NHLRC2: variants seen among roughly 807,000 people sequenced by gnomAD.
The protein encoded by NHLRC2 is NHL repeat-containing protein 2.
In NHLRC2, 33 loss-of-function variants were observed where a neutral mutation model predicts 68.1. The observed-to-expected ratio is 0.48, with a 90% CI of 0.37 to 0.65. The LOEUF is 0.65. Ranked by LOEUF, NHLRC2 falls within the 30% of genes least tolerant of loss-of-function variation. The probability of loss-of-function intolerance (pLI) is 0.00; values close to 1 mark genes in which losing one functional copy is unlikely to be tolerated. For synonymous variants in NHLRC2, 311 were observed against 309.6 expected (o/e 1.00, Z -0.05); for missense variants, 761 against 853.8 (o/e 0.89, Z 1.35).
intron 3 of NHLRC2, among the ~76,000 whole-genome samples, chr10:113,878,845 G>A (rs967073003): frequency 3.9e-5 from 6 of 152,002 alleles, no homozygotes; most frequent in African/African-American, 1.2e-4. Context: ...TTGTTTTCTA[G>A]CCACTCTGTT....
rs750702921 is a variant in NHLRC2, at chr10:113,903,754, A to AT, written c.1704+19dup. 1 of 1,363,200 alleles carries AT rather than the reference A, an allele frequency of 7.3e-7. No homozygotes were observed. The highest frequency in any genetic ancestry group is 1.2e-5 in the South Asian group (1 of 85,080). 84.4% of individuals were successfully genotyped at this position (1,363,200 alleles called of 1,614,324 possible). On this transcript the variant is annotated intron_variant, in intron 9 of 10. Coordinates refer to ENST00000369301, the MANE Select transcript of NHLRC2 (RefSeq NM_198514.4). Reference sequence around the variant, plus strand: ...TATCTGTGGTAAGTAATTTTAAAATATAAGTTAAAGAATGTGGTTTTAAGA... The same window carrying AT: ...TATCTGTGGTAAGTAATTTTAAAATATTAAGTTAAAGAATGTGGTTTTAAGA...
At position 113,871,576 on chromosome 10, in the gene NHLRC2, ATTTTATACTGTACTTCTGT is replaced by A. The variant is rs1468770863; in HGVS notation, c.332-4936_332-4918del. Among the ~76,000 whole-genome samples the A allele has an allele frequency of 1.1e-4, 17 of 152,260 alleles. No individual in the cohort carries two copies. The East Asian group carries it at 3.1e-3, about 28-fold the overall frequency. Reference sequence around the variant, plus strand: ...TTTTTATACTACTGGAAATACTTCTATTTTATACTGTACTTCTGTTTTTATACCAGTTTCTGGTTTTATA... The same window carrying A: ...TTTTTATACTACTGGAAATACTTCTATTTTATACCAGTTTCTGGTTTTATA... On this transcript the variant is annotated intron_variant, in intron 2 of 10. Transcript: ENST00000369301.
intron 5 of NHLRC2, among the ~76,000 whole-genome samples, chr10:113,893,008 A>C (rs1015163273): frequency 2.0e-5 from 3 of 152,242 alleles, no homozygotes; most frequent in African/African-American, 7.2e-5. Flanking sequence ...GAATTTTGTC[A>C]TAAAGTGTCA....
Position 113,854,969 on chromosome 10 carries a change from GAGA to G in NHLRC2, c.100_102del (p.Lys34del), listed in dbSNP as rs1280619093. The G allele has an allele frequency of 6.4e-7, 1 of 1,553,752 alleles. No individual in the cohort carries two copies. The highest frequency in any genetic ancestry group is 1.2e-5 in the South Asian group (1 of 84,172). On this transcript the variant is annotated inframe_deletion, in exon 1 of 11. Coordinates refer to ENST00000369301, the MANE Select transcript of NHLRC2 (RefSeq NM_198514.4). The stretch of plus-strand genomic sequence containing the variant: ...CCTGCTCGACGCCGTTACCCAGCAG[GAGA>G]AGGACAGCCTGGTCTACCAGTATCT...
intron 2 of NHLRC2, among the ~76,000 whole-genome samples, chr10:113,862,136 A>G (rs940128083): frequency 4.6e-5 from 7 of 152,212 alleles, no homozygotes; most frequent in Middle Eastern, 3.4e-3. Context: ...CAGCCTCTCA[A>G]ACTGCTGTAT....
At chr10:113,866,603 T>C (rs1192360450) in intron 2 of NHLRC2, among the ~76,000 whole-genome samples, 1 of 152,138 alleles carries the variant, frequency 6.6e-6, no homozygotes, top group African/African-American at 2.4e-5. Flanking sequence ...TATCATATAG[T>C]ATATGCTTTT....
chr10:113,902,192 G>T (rs567589264), intron 7 of NHLRC2, among the ~76,000 whole-genome samples: 1 of 152,262 alleles, frequency 6.6e-6, no homozygotes, highest in Non-Finnish European at 1.5e-5. Flanking sequence ...ATTGGGCAGT[G>T]GGGTGGAAAG....
chr10:113,856,951 A>G (rs773576521), intron 1 of NHLRC2, among the ~76,000 whole-genome samples: 2 of 152,112 alleles, frequency 1.3e-5, no homozygotes, highest in Non-Finnish European at 2.9e-5. Flanking sequence ...GATCCTTGTT[A>G]TTTCCATTTT....
intron 6 of NHLRC2, among the ~76,000 whole-genome samples, chr10:113,900,225 AC>A (rs1319878842): frequency 7.2e-5 from 11 of 152,192 alleles, no homozygotes; most frequent in Non-Finnish European, 1.5e-4. Context: ...CATTGGCAGC[AC>A]TCAGAGTGGA....
chr10:113,865,200 C>T (rs770973038), intron 2 of NHLRC2, among the ~76,000 whole-genome samples: 5 of 152,002 alleles, frequency 3.3e-5, no homozygotes, highest in Non-Finnish European at 5.9e-5. Context: ...ACGCCTGCCT[C>T]GGCCTCCCAA....
At chr10:113,886,047 A>T (rs1312003572) in intron 5 of NHLRC2, among the ~76,000 whole-genome samples, 1 of 152,100 alleles carries the variant, frequency 6.6e-6, no homozygotes. Flanking sequence ...AAAGTTGAAG[A>T]TTACAAAATC....
intron 6 of NHLRC2, among the ~76,000 whole-genome samples, chr10:113,898,501 T>C (rs1846198599): frequency 6.6e-6 from 1 of 152,222 alleles, no homozygotes. Context: ...AGTCACTCAC[T>C]GACTGTTAAA....
At chr10:113,879,746 T>A in intron 4 of NHLRC2, 51 bp downstream of exon 4, 1 of 1,165,212 alleles carries the variant, frequency 8.6e-7, no homozygotes, top group South Asian at 1.5e-5. Flanking sequence ...AAAAAGGAAA[T>A]GTATTTGCTA....
chr10:113,855,865 T>A (rs1213623234), intron 1 of NHLRC2, among the ~76,000 whole-genome samples: 1 of 152,182 alleles, frequency 6.6e-6, no homozygotes, highest in Non-Finnish European at 1.5e-5. Context: ...CCTTATTCAA[T>A]TACCTCTATA....
chr10:113,876,733 G>C lies in NHLRC2; in HGVS notation c.544G>C (p.Gly182Arg). 1 of 1,612,830 alleles carries C rather than the reference G, an allele frequency of 6.2e-7. No individual in the cohort carries two copies. The highest frequency in any genetic ancestry group is 2.2e-5 in the East Asian group (1 of 44,848). ...GNMLFSLIGE[G>R]HKDKLFLYTS... ...CATGTTGTTTTCTTTGATTGGAGAG[G>C]GACACAAAGATAAATTATTTTTATA... Residue 182 changes from glycine (G) to arginine (R), a missense_variant, in exon 3 of 11, where the codon GGA becomes CGA. By Grantham distance (125) the Gly-to-Arg change is moderately radical. Transcript: ENST00000369301.
intron 4 of NHLRC2, 33 bp from the exon 5 acceptor site, chr10:113,884,218 C>A: frequency 6.3e-7 from 1 of 1,588,628 alleles, no homozygotes; most frequent in Non-Finnish European, 8.6e-7. Context: ...AAGTAACATT[C>A]ATTGCATAAA....
chr10:113,906,546 A>G (rs931424206), intron 10 of NHLRC2, among the ~76,000 whole-genome samples: 1 of 151,998 alleles, frequency 6.6e-6, no homozygotes. Flanking sequence ...AGCCAAAAAA[A>G]AAAAGGCAGC....
At chr10:113,883,552 C>T (rs1052912388) in intron 4 of NHLRC2, among the ~76,000 whole-genome samples, 8 of 151,724 alleles carry the variant, frequency 5.3e-5, no homozygotes, top group Non-Finnish European at 1.0e-4. Flanking sequence ...TTTTAACTTT[C>T]CTGTGTGTTT....
At position 113,908,689 on chromosome 10, in the gene NHLRC2, T is replaced by C; in HGVS notation, c.*153T>C. ...AACTGATATTAAAATAAAGCTATGCTCCTTACTTACTTCTTTTATTATAAA... is the reference window on the plus strand; with the variant it reads ...AACTGATATTAAAATAAAGCTATGCCCCTTACTTACTTCTTTTATTATAAA... On this transcript the variant is annotated 3_prime_UTR_variant, in exon 11 of 11. Transcript: ENST00000369301. 8 of 674,046 alleles carry C rather than the reference T, an allele frequency of 1.2e-5. No individual in the cohort carries two copies. In the South Asian group the frequency reaches 1.6e-4, roughly 13 times the overall value. 41.8% of individuals were successfully genotyped at this position (674,046 alleles called of 1,614,324 possible). A position where few individuals can be genotyped will look rare whatever the true frequency, so the allele number is the denominator to read the frequency against.
Sources: allele counts gnomAD v4.1 joint callset (sites outside exome capture counted in the v4.1 genomes callset), GRCh38; gene constraint gnomAD v4.1.1; transcripts MANE v1.5; gene names NCBI Gene and HGNC (gene_info 2026-07-23, HGNC 2026-07-21).